The following RBM19 variants were observed in gnomAD, a reference collection of about 807,000 sequenced individuals.
RBM19 encodes the protein RNA binding motif protein 19.
A neutral mutation model predicts 116.8 loss-of-function variants in RBM19; 94 were observed. That is an observed-to-expected ratio of 0.80 (90% CI 0.68 to 0.95). The LOEUF (loss-of-function observed/expected upper bound fraction) is 0.95, where lower values mean the gene tolerates loss of function less well. Among genes scored for constraint, RBM19 ranks in the 40% least tolerant of loss-of-function variants. The pLI, the probability that RBM19 is intolerant of heterozygous loss-of-function variation, is 0.00. For missense variants in RBM19, 1,161 were observed against 1,220.7 expected (o/e 0.95, Z 0.73); for synonymous variants, 475 against 494.1 (o/e 0.96, Z 0.51).
chr12:113,829,843 CACCCCAGAGG>C (rs1875213146), intron 23 of RBM19, among the ~76,000 whole-genome samples: 1 of 152,210 alleles, frequency 6.6e-6, no homozygotes, highest in South Asian at 2.1e-4. Context: ...CCTGTGAGGC[CACCCCAGAGG>C]ACAGGCAGTG....
At chr12:113,937,470 G>A (rs998537207) in intron 15 of RBM19, among the ~76,000 whole-genome samples, 1 of 152,096 alleles carries the variant, frequency 6.6e-6, no homozygotes, top group African/African-American at 2.4e-5. Flanking sequence ...GACGAGGAGC[G>A]ACCACATCAC....
chr12:113,914,355 G>A (rs1331497883), intron 21 of RBM19, among the ~76,000 whole-genome samples: 1 of 152,224 alleles, frequency 6.6e-6, no homozygotes, highest in African/African-American at 2.4e-5. Flanking sequence ...GTGCAAGCAG[G>A]TGCTGACGGA....
rs774756692 is a variant in RBM19 at position 113,957,896 on chromosome 12, G to A, written c.726C>T (p.Ala242=). 5.3e-5 allele frequency: 85 copies of A among 1,614,056 alleles called. No individual in the cohort carries two copies. The Middle Eastern group carries it at 6.6e-4, about 13-fold the overall frequency. Residue 242 remains alanine (A), a synonymous_variant, in exon 6 of 24, where the codon GCC becomes GCT. Coordinates refer to ENST00000261741, the MANE Select transcript of RBM19 (RefSeq NM_016196.4). The stretch of plus-strand genomic sequence containing the variant: ...GGGTGGCGGAGGAATCCTCTTCCTC[G>A]GCCTCACTCCCTTCATCACAGTGCA... ...EAVHCDEGSE[A]EEEDSSATPV... is the part of the protein sequence containing the mutation.
intron 21 of RBM19, among the ~76,000 whole-genome samples, chr12:113,871,832 C>T (rs2135767162): frequency 6.6e-6 from 1 of 152,220 alleles, no homozygotes; most frequent in African/African-American, 2.4e-5. Flanking sequence ...GCGAGCGCCG[C>T]CCGGGAGGCA....
intron 21 of RBM19, among the ~76,000 whole-genome samples, chr12:113,900,883 A>C (rs1320127401): frequency 6.6e-6 from 1 of 152,182 alleles, no homozygotes; most frequent in East Asian, 1.9e-4. Context: ...ATCACTCAGT[A>C]AACATCCCTC....
intron 9 of RBM19, among the ~76,000 whole-genome samples, chr12:113,949,589 C>T (rs1157169185): frequency 3.3e-5 from 5 of 152,124 alleles, no homozygotes; most frequent in Non-Finnish European, 1.5e-5. Context: ...AATCACTTGT[C>T]TTGGCCAGGG....
intron 22 of RBM19, among the ~76,000 whole-genome samples, chr12:113,853,345 G>A (rs968138444): frequency 6.6e-6 from 1 of 152,216 alleles, no homozygotes; most frequent in Non-Finnish European, 1.5e-5. Context: ...CCCCCCAAGT[G>A]TTTATTTAAG....
At chr12:113,818,141 G>T (rs933761556), downstream of RBM19, 19 of 139,944 alleles carry the variant, frequency 1.4e-4, no homozygotes, top group African/African-American at 5.2e-4. Context: ...CGGGACAATC[G>T]CTTGAACCAG....
At chr12:113,894,955 T>C (rs529799721) in intron 21 of RBM19, among the ~76,000 whole-genome samples, 24 of 152,328 alleles carry the variant, frequency 1.6e-4, no homozygotes, top group Admixed American at 2.6e-4. Context: ...CCTGCTCTTC[T>C]GGCCAGAGGA....
chr12:113,901,934 G>T (rs903239161), intron 21 of RBM19, among the ~76,000 whole-genome samples: 1 of 152,232 alleles, frequency 6.6e-6, no homozygotes, highest in African/African-American at 2.4e-5. Flanking sequence ...TTTATAGTTT[G>T]GGATATTCAC....
intron 7 of RBM19, among the ~76,000 whole-genome samples, chr12:113,954,800 G>A (rs1411674396): frequency 6.6e-6 from 1 of 152,144 alleles, no homozygotes; most frequent in East Asian, 1.9e-4. Flanking sequence ...AGCAGGGTGA[G>A]TAGTCACAAC....
intron 21 of RBM19, among the ~76,000 whole-genome samples, chr12:113,886,734 T>C (rs1275371865): frequency 6.6e-6 from 1 of 152,220 alleles, no homozygotes; most frequent in East Asian, 1.9e-4. Context: ...TTGTCTTGCA[T>C]GAGGAAAAAA....
chr12:113,867,142 G>A lies in RBM19; in HGVS notation c.2559-8246C>T, dbSNP rs1281954917. Among the ~76,000 whole-genome samples, 3 of 152,252 alleles carry A rather than the reference G, an allele frequency of 2.0e-5. No homozygotes were observed. In the East Asian group the frequency reaches 5.8e-4, roughly 29 times the overall value. ...GCCCTCTCAGTTGTGTTCACATCAT[G>A]TAGCCTCTGCAGGATTCTAAGCTCC... On this transcript the variant is annotated intron_variant, in intron 21 of 23. Transcript: ENST00000261741.
At chr12:113,965,763 G>C (rs1872814937) in intron 1 of RBM19, among the ~76,000 whole-genome samples, 1 of 152,278 alleles carries the variant, frequency 6.6e-6, no homozygotes, top group Non-Finnish European at 1.5e-5. Context: ...GGATGGGAGT[G>C]GGAATTGGAA....
chr12:113,910,623 G>A (rs556537005), intron 21 of RBM19, among the ~76,000 whole-genome samples: 6 of 152,288 alleles, frequency 3.9e-5, no homozygotes, highest in South Asian at 2.1e-4. Flanking sequence ...GAATAGCACC[G>A]TTACTGTCTG....
At chr12:113,840,963 C>A (rs1182310484) in intron 23 of RBM19, among the ~76,000 whole-genome samples, 1 of 152,196 alleles carries the variant, frequency 6.6e-6, no homozygotes, top group African/African-American at 2.4e-5. Flanking sequence ...GAATTCTGCT[C>A]CCCCCTGGGG....
chr12:113,834,706 G>A (rs886274207), intron 23 of RBM19, among the ~76,000 whole-genome samples: 2 of 152,188 alleles, frequency 1.3e-5, no homozygotes, highest in African/African-American at 4.8e-5. Flanking sequence ...TAAAGAGAGG[G>A]CAATTTGGGA....
At chr12:113,820,989 G>A (rs995692132), downstream of RBM19, among the ~76,000 whole-genome samples, 1 of 152,220 alleles carries the variant, frequency 6.6e-6, no homozygotes, top group Non-Finnish European at 1.5e-5. Context: ...CACTGTGTGA[G>A]CCCTGGCAGG....
At chr12:113,966,037 G>T in intron 1 of RBM19, 155 bp downstream of exon 1, 1 of 793,094 alleles carries the variant, frequency 1.3e-6, no homozygotes, top group East Asian at 2.7e-5. Flanking sequence ...ATCAAATGGG[G>T]ATAAGCCCAG....
Sources: gnomAD v4.1 joint callset for allele counts (sites outside exome capture counted in the v4.1 genomes callset) on GRCh38, gnomAD v4.1.1 for gene constraint, MANE v1.5 for transcripts, NCBI Gene and HGNC (gene_info 2026-07-23, HGNC 2026-07-21) for gene names.